GOLM2: variants seen among roughly 807,000 people sequenced by gnomAD.
GOLM2 encodes protein GOLM2.
In GOLM2, 26 loss-of-function variants were observed where a neutral mutation model predicts 55.9. That is an observed-to-expected ratio of 0.47 (90% CI 0.34 to 0.65). GOLM2 has a LOEUF of 0.65. Among genes scored for constraint, GOLM2 ranks in the 30% least tolerant of loss-of-function variants. The pLI is 0.01. For synonymous variants in GOLM2, 165 were observed against 194.6 expected, an observed-to-expected ratio of 0.85 and a Z score of 1.27; for missense variants, 486 against 531.8, an observed-to-expected ratio of 0.91 and a Z score of 0.85.
intron 9 of GOLM2, chr15:44,406,996 G>C (rs2079601160): frequency 1.3e-5 from 2 of 150,280 alleles, no homozygotes; most frequent in Admixed American, 1.3e-4. Flanking sequence ...GTGTTTTGTA[G>C]AATTGAGGCC....
At chr15:44,305,593 C>T (rs1446066887) in intron 1 of GOLM2, among the ~76,000 whole-genome samples, 1 of 152,168 alleles carries the variant, frequency 6.6e-6, no homozygotes, top group Non-Finnish European at 1.5e-5. Flanking sequence ...CCACTGCACC[C>T]AGCCTCTACA....
At chr15:44,292,970 A>G (rs1220519620) in intron 1 of GOLM2, among the ~76,000 whole-genome samples, 4 of 152,076 alleles carry the variant, frequency 2.6e-5, no homozygotes, top group African/African-American at 4.8e-5. Context: ...GCATGCCACC[A>G]TGATGGTCTA....
At chr15:44,330,264 A>G (rs1312218749) in intron 3 of GOLM2, among the ~76,000 whole-genome samples, 1 of 147,872 alleles carries the variant, frequency 6.8e-6, no homozygotes, top group African/African-American at 2.5e-5. Flanking sequence ...TGTAATCCCA[A>G]CACTTTGGGA....
At chr15:44,299,824 G>A (rs561594795) in intron 1 of GOLM2, among the ~76,000 whole-genome samples, 51 of 151,094 alleles carry the variant, frequency 3.4e-4, no homozygotes, top group African/African-American at 1.2e-3. Context: ...AGAAATTTGG[G>A]GCTAGGTGTA....
At chr15:44,348,468 T>G (rs1182112888) in intron 6 of GOLM2, 4 of 152,196 alleles carry the variant, frequency 2.6e-5, no homozygotes, top group Non-Finnish European at 4.4e-5. Flanking sequence ...AGGGAGAGAC[T>G]GAGACTCTGT....
At chr15:44,385,803 C>T (rs1433642942) in intron 8 of GOLM2, among the ~76,000 whole-genome samples, 1 of 152,140 alleles carries the variant, frequency 6.6e-6, no homozygotes, top group African/African-American at 2.4e-5. Context: ...AACAATCCTC[C>T]CATCTTGGCC....
chr15:44,369,281 G>T, intron 6 of GOLM2, among the ~76,000 whole-genome samples: 2 of 141,246 alleles, frequency 1.4e-5, no homozygotes, highest in African/African-American at 2.6e-5. Flanking sequence ...TACATTCTTA[G>T]ATTTGTGGAT....
chr15:44,340,803 A>G (rs563032762), intron 6 of GOLM2, among the ~76,000 whole-genome samples: 1 of 152,120 alleles, frequency 6.6e-6, no homozygotes, highest in South Asian at 2.1e-4. Flanking sequence ...TATTCTTCCA[A>G]ATTTTTGTAG....
intron 6 of GOLM2, among the ~76,000 whole-genome samples, chr15:44,367,116 C>A (rs1039569934): frequency 6.6e-6 from 1 of 151,660 alleles, no homozygotes; most frequent in Non-Finnish European, 1.5e-5. Flanking sequence ...GAAACATAGA[C>A]ATACTCATTT....
At chr15:44,316,981 C>T (rs8032079) in intron 1 of GOLM2, among the ~76,000 whole-genome samples, 15,820 of 151,866 alleles carry the variant, frequency 0.1, 1,785 homozygotes, top group African/African-American at 0.27. Flanking sequence ...GGGACCCAGG[C>T]TGAATATATA....
intron 4 of GOLM2, among the ~76,000 whole-genome samples, chr15:44,334,926 G>A (rs2079046352): frequency 6.6e-6 from 1 of 152,186 alleles, no homozygotes; most frequent in Admixed American, 6.5e-5. Context: ...GGCTACTCAG[G>A]AGGCTGAGGC....
At chr15:44,325,341 C>A (rs941634642) in intron 2 of GOLM2, among the ~76,000 whole-genome samples, 1 of 152,062 alleles carries the variant, frequency 6.6e-6, no homozygotes, top group African/African-American at 2.4e-5. Flanking sequence ...TTTTATTTTT[C>A]TTTGTCAATT....
chr15:44,334,688 G>A (rs1447146454), intron 4 of GOLM2, among the ~76,000 whole-genome samples: 1 of 152,182 alleles, frequency 6.6e-6, no homozygotes, highest in African/African-American at 2.4e-5. Context: ...TGCTGTAAGG[G>A]CAGAGAAACT....
intron 6 of GOLM2, among the ~76,000 whole-genome samples, chr15:44,374,529 T>G (rs1021924819): frequency 2.0e-5 from 3 of 152,028 alleles, no homozygotes; most frequent in African/African-American, 7.2e-5. Context: ...TACCAGAGAC[T>G]GGGTAATTTA....
At chr15:44,317,000 T>C (rs1261456077) in intron 1 of GOLM2, among the ~76,000 whole-genome samples, 1 of 152,070 alleles carries the variant, frequency 6.6e-6, no homozygotes, top group African/African-American at 2.4e-5. Flanking sequence ...TATATTCAAC[T>C]ATAGATTGAA....
intron 4 of GOLM2, among the ~76,000 whole-genome samples, chr15:44,335,253 G>T (rs2079048990): frequency 6.6e-6 from 1 of 152,074 alleles, no homozygotes; most frequent in African/African-American, 2.4e-5. Flanking sequence ...TGAGTAAGGG[G>T]TGATTACTTT....
intron 1 of GOLM2, among the ~76,000 whole-genome samples, chr15:44,305,214 G>A (rs2078828232): frequency 6.6e-6 from 1 of 151,934 alleles, no homozygotes; most frequent in Non-Finnish European, 1.5e-5. Flanking sequence ...TATCCAGGCT[G>A]GTCTCAAAAT....
chr15:44,366,735 G>A (rs186728719), intron 6 of GOLM2, among the ~76,000 whole-genome samples: 17 of 152,230 alleles, frequency 1.1e-4, no homozygotes, highest in Admixed American at 3.9e-4. Context: ...AGTGGCTCAC[G>A]CCTGTAATCC....
chr15:44,334,535 T>C (rs1018335630), intron 4 of GOLM2, among the ~76,000 whole-genome samples: 1 of 152,204 alleles, frequency 6.6e-6, no homozygotes, highest in Admixed American at 6.5e-5. Context: ...AGGCCAAAAG[T>C]GGTTTTCACA....
Sources: allele counts gnomAD v4.1 joint callset (sites outside exome capture counted in the v4.1 genomes callset), GRCh38; gene constraint gnomAD v4.1.1; transcripts MANE v1.5; gene names NCBI Gene and HGNC (gene_info 2026-07-23, HGNC 2026-07-21).